Variants in NRXN3 observed in about 807,000 individuals in gnomAD.
NRXN3 encodes the protein neurexin III.
NRXN3 carries 32 observed loss-of-function variants against 137.6 expected under a neutral mutation model. The observed-to-expected ratio is 0.23, with a 90% CI of 0.18 to 0.31. The LOEUF is 0.31. NRXN3 is among the 10% of genes least tolerant of loss of function. NRXN3 has a pLI of 1.00. For synonymous variants in NRXN3, 798 were observed against 784.5 expected (o/e 1.02, Z -0.29); for missense variants, 1,574 against 2,062.5 (o/e 0.76, Z 4.59).
chr14:79,561,721 GC>G (rs955059255), intron 16 of NRXN3, among the ~76,000 whole-genome samples: 1 of 152,064 alleles, frequency 6.6e-6, no homozygotes, highest in African/African-American at 2.4e-5. Flanking sequence ...AGTTGGCAGG[GC>G]CATTCACTGG....
At chr14:79,752,453 G>C (rs914166392) in intron 19 of NRXN3, among the ~76,000 whole-genome samples, 1 of 152,212 alleles carries the variant, frequency 6.6e-6, no homozygotes, top group East Asian at 1.9e-4. Flanking sequence ...ACCTGAGAAA[G>C]ACAAGCAATG....
intron 16 of NRXN3, among the ~76,000 whole-genome samples, chr14:79,508,337 C>T (rs2096897121): frequency 7.1e-6 from 1 of 141,240 alleles, no homozygotes; most frequent in South Asian, 2.2e-4. Flanking sequence ...AGCCCTAAGG[C>T]CATTGGGGGA....
chr14:79,054,530 G>T (rs1358962019), intron 15 of NRXN3, among the ~76,000 whole-genome samples: 1 of 152,130 alleles, frequency 6.6e-6, no homozygotes, highest in Non-Finnish European at 1.5e-5. Flanking sequence ...CTTATTTGGG[G>T]ATTTGCTCTC....
At chr14:79,821,616 G>A (rs1262092987) in intron 20 of NRXN3, among the ~76,000 whole-genome samples, 1 of 148,966 alleles carries the variant, frequency 6.7e-6, no homozygotes, top group Admixed American at 6.7e-5. Flanking sequence ...AACTCTTGGT[G>A]ACATTATCAA....
At position 79,168,734 on chromosome 14, in the gene NRXN3, G is replaced by A. The variant is rs78320588; in HGVS notation, c.3262+180593G>A. ...GACTTTCACTACATTCTCTACCTTC[G>A]CAAATGCAGCATTTCCTTCAAAAGT... is the stretch of plus-strand genomic sequence containing the variant. On this transcript the variant is annotated intron_variant, in intron 15 of 20. Transcript: ENST00000335750. Among the ~76,000 whole-genome samples, 891 of 151,906 alleles carry A rather than the reference G, an allele frequency of 5.9e-3. 44 individuals are homozygous for A. In the East Asian group the frequency reaches 0.098, roughly 17 times the overall value.
intron 4 of NRXN3, among the ~76,000 whole-genome samples, chr14:78,608,508 A>C (rs2097271556): frequency 1.3e-5 from 2 of 152,310 alleles, no homozygotes; most frequent in South Asian, 4.1e-4. Context: ...CTAAATCCTC[A>C]CTAGTGGGAC....
intron 2 of NRXN3, among the ~76,000 whole-genome samples, chr14:78,262,012 G>A (rs2070813198): frequency 6.6e-6 from 1 of 152,186 alleles, no homozygotes; most frequent in Admixed American, 6.5e-5. Context: ...GATGAGTGCT[G>A]TAGATGGAAA....
chr14:78,670,815 G>C (rs1269605757), intron 6 of NRXN3, among the ~76,000 whole-genome samples: 1 of 152,176 alleles, frequency 6.6e-6, no homozygotes, highest in Non-Finnish European at 1.5e-5. Context: ...GAAGAAGCCA[G>C]AAGTTTCTGG....
At chr14:79,143,673 G>T (rs2059027055) in intron 15 of NRXN3, among the ~76,000 whole-genome samples, 1 of 152,202 alleles carries the variant, frequency 6.6e-6, no homozygotes, top group African/African-American at 2.4e-5. Flanking sequence ...AAGCTCAGAG[G>T]AGTCATAATG....
intron 1 of NRXN3, among the ~76,000 whole-genome samples, chr14:78,212,856 A>G (rs1438174317): frequency 1.3e-5 from 2 of 152,282 alleles, no homozygotes; most frequent in African/African-American, 4.8e-5. Flanking sequence ...TGGTCAAATG[A>G]AATCTTACAT....
chr14:79,271,242 C>A (rs2153425555), intron 15 of NRXN3, among the ~76,000 whole-genome samples: 1 of 152,252 alleles, frequency 6.6e-6, no homozygotes, highest in East Asian at 1.9e-4. Flanking sequence ...GAGGAAAACT[C>A]CTGGCTATGC....
chr14:78,868,047 A>G (rs964465313), intron 10 of NRXN3, among the ~76,000 whole-genome samples: 6 of 148,520 alleles, frequency 4.0e-5, no homozygotes, highest in Non-Finnish European at 8.9e-5. Context: ...TTTAATATAA[A>G]ATATACTTAA....
At chr14:79,358,300 C>T (rs960664877) in intron 15 of NRXN3, among the ~76,000 whole-genome samples, 4 of 152,020 alleles carry the variant, frequency 2.6e-5, no homozygotes, top group African/African-American at 9.7e-5. Context: ...TGGTGGCTCA[C>T]GCCTGTAATC....
chr14:78,666,476 T>C (rs1351491918), intron 6 of NRXN3, among the ~76,000 whole-genome samples: 1 of 152,182 alleles, frequency 6.6e-6, no homozygotes, highest in Non-Finnish European at 1.5e-5. Flanking sequence ...GTGCTAAATG[T>C]GAGAAGAATG....
chr14:79,371,778 C>T (rs1265379454), intron 15 of NRXN3, among the ~76,000 whole-genome samples: 1 of 151,880 alleles, frequency 6.6e-6, no homozygotes, highest in African/African-American at 2.4e-5. Flanking sequence ...ATGGTACTGC[C>T]CATTTTATTT....
intron 15 of NRXN3, among the ~76,000 whole-genome samples, chr14:79,294,436 T>A (rs2083696951): frequency 6.6e-6 from 1 of 152,234 alleles, no homozygotes; most frequent in African/African-American, 2.4e-5. Flanking sequence ...TATAGAATGC[T>A]TTACAGTGTT....
chr14:78,190,680 C>T (rs4903720), intron 1 of NRXN3, among the ~76,000 whole-genome samples: 20,763 of 148,592 alleles, frequency 0.14, 1,557 homozygotes, highest in East Asian at 0.22. Flanking sequence ...TAATTACTTA[C>T]TTACTTGCTT....
chr14:79,827,019 T>TTTA (rs2099305323), intron 20 of NRXN3, among the ~76,000 whole-genome samples: 2 of 152,236 alleles, frequency 1.3e-5, no homozygotes, highest in Admixed American at 1.3e-4. Flanking sequence ...GACAATGCTT[T>TTTA]TTATTAGTGT....
chr14:78,669,328 A>G (rs1435005156), intron 6 of NRXN3, among the ~76,000 whole-genome samples: 1 of 152,146 alleles, frequency 6.6e-6, no homozygotes, highest in Non-Finnish European at 1.5e-5. Flanking sequence ...CCAGACCCCA[A>G]TAGAGAGTTC....
Sources: gnomAD v4.1 joint callset for allele counts (sites outside exome capture counted in the v4.1 genomes callset) on GRCh38, gnomAD v4.1.1 for gene constraint, MANE v1.5 for transcripts, NCBI Gene and HGNC (gene_info 2026-07-23, HGNC 2026-07-21) for gene names.